Variants in MAOA observed in about 807,000 individuals in gnomAD.
The protein encoded by MAOA is amine oxidase [flavin-containing] A.
Under a neutral mutation model 42.0 loss-of-function variants are expected in MAOA, and 6 were observed. The observed-to-expected ratio is 0.14, with a 90% CI of 0.08 to 0.28. The LOEUF (loss-of-function observed/expected upper bound fraction) is 0.28. Among genes scored for constraint, MAOA ranks in the 10% least tolerant of loss-of-function variants. The pLI, the probability that MAOA is intolerant of heterozygous loss-of-function variation, is 1.00. For synonymous variants in MAOA, 140 were observed against 154.0 expected (o/e 0.91, Z 0.67); for missense variants, 262 against 422.3 (o/e 0.62, Z 3.33).
intron 3 of MAOA, among the ~76,000 whole-genome samples, chrX:43,709,032 C>T (rs1045776740): frequency 2.7e-5 from 3 of 110,258 alleles, no homozygotes; most frequent in African/African-American, 9.9e-5. Context: ...TGCTAATTTT[C>T]GTATTTTTTT....
chrX:43,704,361 C>T (rs2033645024), intron 3 of MAOA, among the ~76,000 whole-genome samples: 1 of 111,683 alleles, frequency 9.0e-6, no homozygotes, highest in Admixed American at 9.6e-5. Flanking sequence ...AATGCACCAC[C>T]ATATTAATAG....
At chrX:43,729,431 A>T (rs2033863229) in intron 6 of MAOA, among the ~76,000 whole-genome samples, 1 of 112,152 alleles carries the variant, frequency 8.9e-6, no homozygotes, top group Admixed American at 9.4e-5. Context: ...TTTATAAAGA[A>T]CTTAGGCTTA....
At chrX:43,657,133 T>TTA (rs779602410) in intron 1 of MAOA, among the ~76,000 whole-genome samples, 8 of 85,513 alleles carry the variant, frequency 9.4e-5, no homozygotes, top group Non-Finnish European at 1.4e-4. Flanking sequence ...TGAACTGTGT[T>TTA]TATATATATA....
intron 1 of MAOA, among the ~76,000 whole-genome samples, chrX:43,678,539 A>G (rs1384654774): frequency 4.5e-5 from 5 of 112,078 alleles, no homozygotes; most frequent in African/African-American, 1.6e-4. Flanking sequence ...AATGCTCAAT[A>G]AATATTTCGA....
chrX:43,673,346 C>T (rs1413715957), intron 1 of MAOA, among the ~76,000 whole-genome samples: 1 of 109,517 alleles, frequency 9.1e-6, no homozygotes, highest in East Asian at 2.8e-4. Context: ...CTTTATTAGC[C>T]TTGCTAGCGG....
At chrX:43,668,220 C>A (rs1202540323) in intron 1 of MAOA, among the ~76,000 whole-genome samples, 1 of 112,089 alleles carries the variant, frequency 8.9e-6, no homozygotes, top group Non-Finnish European at 1.9e-5. Flanking sequence ...TTATATTTCT[C>A]CAGTTATGAG....
intron 12 of MAOA, among the ~76,000 whole-genome samples, chrX:43,743,005 C>T (rs1421833377): frequency 9.1e-6 from 1 of 109,980 alleles, no homozygotes; most frequent in Admixed American, 9.7e-5. Context: ...GAAGACAAGA[C>T]TAAGATGAGG....
intron 5 of MAOA, among the ~76,000 whole-genome samples, chrX:43,715,570 A>G (rs965830418): frequency 5.4e-5 from 6 of 110,864 alleles, no homozygotes; most frequent in African/African-American, 2.0e-4. Context: ...TCCAGGAATG[A>G]CCCTCAAGAG....
chrX:43,657,298 G>GTTTATA (rs1310978635), intron 1 of MAOA, among the ~76,000 whole-genome samples: 1 of 98,322 alleles, frequency 1.0e-5, no homozygotes, highest in Non-Finnish European at 2.1e-5. Context: ...TATGAACTGT[G>GTTTATA]TGTGTGTATA....
intron 1 of MAOA, 103 bp downstream of exon 1, chrX:43,656,517 G>A: frequency 2.6e-6 from 2 of 761,983 alleles, no homozygotes; most frequent in Admixed American, 2.4e-5. Context: ...ATGCATGCGA[G>A]AGTGTAGTGT....
intron 5 of MAOA, among the ~76,000 whole-genome samples, chrX:43,715,169 G>T (rs748979197): frequency 9.1e-6 from 1 of 110,433 alleles, no homozygotes; most frequent in African/African-American, 3.3e-5. Context: ...AGGGAAGAGG[G>T]TACATAGGAA....
At chrX:43,724,285 A>T (rs2033815207) in intron 5 of MAOA, among the ~76,000 whole-genome samples, 1 of 111,585 alleles carries the variant, frequency 9.0e-6, no homozygotes, top group Admixed American at 9.5e-5. Flanking sequence ...CTCTGGTAGA[A>T]TTCAGCTGTG....
At chrX:43,715,026 A>C (rs1249820956) in intron 5 of MAOA, among the ~76,000 whole-genome samples, 2 of 110,877 alleles carry the variant, frequency 1.8e-5, no homozygotes, top group Non-Finnish European at 3.8e-5. Flanking sequence ...GAAATGACCC[A>C]CAGGGCAAGG....
intron 1 of MAOA, among the ~76,000 whole-genome samples, chrX:43,675,399 GC>G (rs1187306313): frequency 1.8e-5 from 2 of 111,967 alleles, no homozygotes; most frequent in African/African-American, 6.5e-5. Context: ...TCCTCCTGTA[GC>G]TCGGAGTAGT....
At chrX:43,713,358 C>T (rs1277813747) in intron 5 of MAOA, among the ~76,000 whole-genome samples, 4 of 110,956 alleles carry the variant, frequency 3.6e-5, no homozygotes, top group African/African-American at 6.6e-5. Context: ...GAGAGCATCA[C>T]GATAGATAAC....
intron 2 of MAOA, among the ~76,000 whole-genome samples, chrX:43,685,537 A>G (rs1270659392): frequency 8.9e-6 from 1 of 111,884 alleles, no homozygotes; most frequent in Admixed American, 9.5e-5. Context: ...TTTCAGCCAC[A>G]TTGTACCATG....
chrX:43,679,979 T>C (rs970841591), intron 1 of MAOA, among the ~76,000 whole-genome samples: 2 of 112,021 alleles, frequency 1.8e-5, no homozygotes, highest in Non-Finnish European at 3.8e-5. Flanking sequence ...AGAAAACATA[T>C]TGCGCCAAGA....
chrX:43,658,770 C>G (rs757498265), intron 1 of MAOA, among the ~76,000 whole-genome samples: 16 of 111,753 alleles, frequency 1.4e-4, no homozygotes, highest in Non-Finnish European at 2.8e-4. Flanking sequence ...ATCTGTGGTA[C>G]CTTCCCAGAT....
At chrX:43,737,039 G>T (rs772737248) in intron 10 of MAOA, among the ~76,000 whole-genome samples, 55 of 111,845 alleles carry the variant, frequency 4.9e-4, no homozygotes, top group Admixed American at 7.6e-4. Flanking sequence ...TGCTTTGGGA[G>T]TTACTCTGAT....
Sources: allele counts gnomAD v4.1 joint callset (sites outside exome capture counted in the v4.1 genomes callset), GRCh38; gene constraint gnomAD v4.1.1; transcripts MANE v1.5; gene names NCBI Gene and HGNC (gene_info 2026-07-23, HGNC 2026-07-21).